Variants in PRH1 observed in about 807,000 individuals in gnomAD.
The protein encoded by PRH1 is proline rich protein HaeIII subfamily 1.
Under a neutral mutation model 7.9 loss-of-function variants are expected in PRH1, and 7 were observed. The ratio of observed to expected loss-of-function variants is 0.89; its 90% confidence interval spans 0.50 to 1.67. The LOEUF is 1.67. Ranked by LOEUF, PRH1 falls within the 40% of genes most tolerant of loss-of-function variation. The pLI, the probability that PRH1 is intolerant of heterozygous loss-of-function variation, is 0.00. For synonymous variants in PRH1, 45 were observed against 80.8 expected (o/e 0.56, Z 2.38); for missense variants, 109 against 223.6 (o/e 0.49, Z 3.27).
intron 2 of PRH1, chr12:10,932,136 T>A (rs1040080457): frequency 2.8e-6 from 1 of 362,948 alleles, no homozygotes; most frequent in Non-Finnish European, 6.1e-6. Context: ...AAGGATGGTT[T>A]TGCATCTTCC....
intron 1 of PRH1, among the ~76,000 whole-genome samples, chr12:11,152,013 G>C (rs1011219047): frequency 2.0e-5 from 3 of 150,784 alleles, no homozygotes; most frequent in Admixed American, 6.6e-5. Context: ...TATTTTTACA[G>C]TCGGGTGTTT....
At chr12:11,169,763 C>G (rs929527850) in intron 1 of PRH1, among the ~76,000 whole-genome samples, 9 of 152,146 alleles carry the variant, frequency 5.9e-5, no homozygotes, top group African/African-American at 2.2e-4. Context: ...TATTTTACAT[C>G]GCTCTTCAGT....
intron 1 of PRH1, among the ~76,000 whole-genome samples, chr12:11,001,604 T>C (rs559063325): frequency 2.6e-5 from 4 of 152,018 alleles, no homozygotes; most frequent in Non-Finnish European, 5.9e-5. Context: ...GAACCCAGAG[T>C]TGCTTAAGAT....
intron 2 of PRH1, among the ~76,000 whole-genome samples, chr12:10,910,085 C>T (rs879690327): frequency 2.6e-5 from 4 of 152,128 alleles, no homozygotes; most frequent in Non-Finnish European, 5.9e-5. Flanking sequence ...TACTATATTA[C>T]ATCATAACTT....
At chr12:10,973,488 CCA>C (rs756622621) in intron 2 of PRH1, 2 of 496,056 alleles carry the variant, frequency 4.0e-6, no homozygotes, top group Non-Finnish European at 7.2e-6. Flanking sequence ...CTTAGGATAG[CCA>C]TCTGTAAAAC....
intron 2 of PRH1, among the ~76,000 whole-genome samples, chr12:10,928,912 G>A (rs1056633587): frequency 2.0e-5 from 3 of 152,154 alleles, no homozygotes; most frequent in Non-Finnish European, 4.4e-5. Context: ...AAGCACAGTG[G>A]AAAGCAGAAT....
intron 2 of PRH1, chr12:10,973,420 C>T (rs1938928363): frequency 8.3e-6 from 3 of 361,154 alleles, no homozygotes; most frequent in Admixed American, 4.6e-5. Flanking sequence ...GACAGAAACC[C>T]AGATACTCTG....
intron 1 of PRH1, among the ~76,000 whole-genome samples, chr12:11,155,853 G>C (rs1947232393): frequency 6.6e-6 from 1 of 152,010 alleles, no homozygotes; most frequent in Non-Finnish European, 1.5e-5. Flanking sequence ...TGGATATATA[G>C]CTAGAGTATA....
intron 2 of PRH1, among the ~76,000 whole-genome samples, chr12:10,955,799 C>T (rs1005666061): frequency 1.3e-5 from 2 of 152,146 alleles, no homozygotes; most frequent in African/African-American, 2.4e-5. Context: ...ACTGTCAACA[C>T]CTCTATGCCC....
chr12:11,164,196 C>T (rs745951830), intron 1 of PRH1, among the ~76,000 whole-genome samples: 12 of 152,100 alleles, frequency 7.9e-5, no homozygotes, highest in Admixed American at 1.3e-4. Context: ...ATCTGTAGAC[C>T]GAGTAAAGAT....
intron 2 of PRH1, among the ~76,000 whole-genome samples, chr12:10,948,026 C>T (rs114167037): frequency 3.0e-4 from 46 of 152,234 alleles, no homozygotes; most frequent in African/African-American, 8.2e-4. Flanking sequence ...TCCCTTTGTA[C>T]GTGACCTGCC....
At chr12:11,030,612 A>C in intron 1 of PRH1, 1 of 1,614,078 alleles carries the variant, frequency 6.2e-7, no homozygotes, top group African/African-American at 1.3e-5. Context: ...ATGGACAGAA[A>C]GTAAACGGCA....
At chr12:11,033,790 G>A (rs1204554989) in intron 1 of PRH1, among the ~76,000 whole-genome samples, 2 of 152,136 alleles carry the variant, frequency 1.3e-5, no homozygotes, top group African/African-American at 4.8e-5. Flanking sequence ...TAATTTCTAT[G>A]AGATATTTCT....
At chr12:11,133,514 G>GC in intron 1 of PRH1, 1 of 1,614,128 alleles carries the variant, frequency 6.2e-7, no homozygotes, top group Non-Finnish European at 8.5e-7. Context: ...TATGATCATG[G>GC]ACAGAAAGTA....
At chr12:11,124,704 G>T (rs971636975) in intron 1 of PRH1, among the ~76,000 whole-genome samples, 1 of 152,138 alleles carries the variant, frequency 6.6e-6, no homozygotes, top group Non-Finnish European at 1.5e-5. Context: ...TAAGATAGAT[G>T]TAAATGTAGA....
At chr12:11,147,531 T>C (rs906195569) in intron 1 of PRH1, among the ~76,000 whole-genome samples, 2 of 152,342 alleles carry the variant, frequency 1.3e-5, no homozygotes, top group Admixed American at 6.5e-5. Context: ...CTGTTGGCAA[T>C]AGATACACTG....
intron 1 of PRH1, among the ~76,000 whole-genome samples, chr12:11,144,452 G>A (rs532475479): frequency 6.6e-6 from 1 of 152,252 alleles, no homozygotes; most frequent in South Asian, 2.1e-4. Context: ...CCTCCCAGCC[G>A]ACAGCACCGA....
At chr12:11,086,979 T>G (rs1944727321) in intron 1 of PRH1, among the ~76,000 whole-genome samples, 1 of 117,474 alleles carries the variant, frequency 8.5e-6, no homozygotes, top group South Asian at 2.3e-4. Flanking sequence ...TTGTTAGGAG[T>G]TAATATACTA....
At chr12:10,988,507 G>A (rs1159024654) in intron 1 of PRH1, among the ~76,000 whole-genome samples, 2 of 152,102 alleles carry the variant, frequency 1.3e-5, no homozygotes, top group Non-Finnish European at 2.9e-5. Context: ...GTATAAAAAT[G>A]TGTATAAATG....
Sources: gnomAD v4.1 joint callset for allele counts (sites outside exome capture counted in the v4.1 genomes callset) on GRCh38, gnomAD v4.1.1 for gene constraint, MANE v1.5 for transcripts, NCBI Gene and HGNC (gene_info 2026-07-23, HGNC 2026-07-21) for gene names.